The following PTPRG variants were observed in gnomAD, a reference collection of about 807,000 sequenced individuals.
PTPRG encodes receptor-type tyrosine-protein phosphatase gamma.
PTPRG carries 102 observed loss-of-function variants against 165.3 expected under a neutral mutation model. The ratio of observed to expected loss-of-function variants is 0.62; its 90% CI spans 0.53 to 0.73. PTPRG has a LOEUF of 0.73. Ranked by LOEUF, PTPRG falls within the 30% of genes least tolerant of loss-of-function variation. PTPRG has a pLI of 0.00. For missense variants in PTPRG, 1,866 were observed against 1,861.4 expected (o/e 1.00, Z -0.05); for synonymous variants, 675 against 669.5 (o/e 1.01, Z -0.13).
At chr3:61,956,285 C>CTG (rs1051905160) in intron 2 of PTPRG, among the ~76,000 whole-genome samples, 1 of 105,446 alleles carries the variant, frequency 9.5e-6, no homozygotes, top group African/African-American at 3.6e-5. Context: ...GTCTCTCTCT[C>CTG]TCTCTCTCTC....
chr3:61,896,820 G>T (rs1022546698), intron 2 of PTPRG, among the ~76,000 whole-genome samples: 1 of 152,096 alleles, frequency 6.6e-6, no homozygotes, highest in African/African-American at 2.4e-5. Flanking sequence ...AATGGGTAAT[G>T]ATGTTGAACA....
chr3:61,712,258 A>T (rs1048944368), intron 1 of PTPRG, among the ~76,000 whole-genome samples: 1 of 152,152 alleles, frequency 6.6e-6, no homozygotes, highest in African/African-American at 2.4e-5. Context: ...AATTTGAATT[A>T]TGTAAAATTT....
At chr3:62,140,012 A>C (rs1184745438) in intron 6 of PTPRG, among the ~76,000 whole-genome samples, 2 of 152,234 alleles carry the variant, frequency 1.3e-5, no homozygotes, top group African/African-American at 2.4e-5. Context: ...AAGTTTCTAC[A>C]ATAAAGAGTA....
At chr3:62,235,994 C>T (rs2106933559) in intron 14 of PTPRG, among the ~76,000 whole-genome samples, 1 of 152,278 alleles carries the variant, frequency 6.6e-6, no homozygotes, top group South Asian at 2.1e-4. Context: ...TCTCACGCCC[C>T]CTTTTATGAT....
At chr3:62,184,762 G>C (rs1439746592) in intron 8 of PTPRG, among the ~76,000 whole-genome samples, 1 of 152,216 alleles carries the variant, frequency 6.6e-6, no homozygotes, top group Admixed American at 6.5e-5. Flanking sequence ...GGAAGCAGCA[G>C]TTTCATCTGT....
At position 62,157,169 on chromosome 3, in the gene PTPRG, G is replaced by T. The variant is rs1704569273; in HGVS notation, c.785G>T (p.Ser262Ile). 1 of 1,613,912 alleles carries T rather than the reference G, an allele frequency of 6.2e-7. No individual in the cohort carries two copies. The highest frequency in any genetic ancestry group is 2.2e-5 in the East Asian group (1 of 44,892). ...YTGSLTTPPC[S>I]EIVEWIVFRR... is the part of the protein sequence containing the mutation. ...GGTTCCTTGACCACACCACCGTGTA[G>T]CGAAATAGTGGAGTGGATAGTCTTC... The change falls in exon 7 of 30, where the codon AGC (serine) becomes ATC (isoleucine). Residue 262 changes from serine (S) to isoleucine (I), a missense_variant. By Grantham distance (142) the Ser-to-Ile change is moderately radical (BLOSUM62 -2). Coordinates refer to ENST00000474889, the MANE Select transcript of PTPRG (RefSeq NM_002841.4).
At chr3:61,634,686 A>G (rs1701859202) in intron 1 of PTPRG, among the ~76,000 whole-genome samples, 1 of 152,208 alleles carries the variant, frequency 6.6e-6, no homozygotes, top group Non-Finnish European at 1.5e-5. Context: ...CAGAGGTTTG[A>G]AAGTTTCCCC....
intron 2 of PTPRG, among the ~76,000 whole-genome samples, chr3:61,885,002 C>T (rs909852408): frequency 1.3e-5 from 2 of 152,158 alleles, no homozygotes; most frequent in African/African-American, 2.4e-5. Flanking sequence ...CAGATCTGTC[C>T]TGCGTGTGCA....
intron 2 of PTPRG, among the ~76,000 whole-genome samples, chr3:61,967,482 C>T (rs183163007): frequency 3.9e-5 from 6 of 152,250 alleles, no homozygotes; most frequent in East Asian, 1.9e-4. Flanking sequence ...AATGGTCTCA[C>T]GCCTCATTTC....
At chr3:62,162,561 G>A (rs2106716197) in intron 7 of PTPRG, among the ~76,000 whole-genome samples, 1 of 152,316 alleles carries the variant, frequency 6.6e-6, no homozygotes, top group East Asian at 1.9e-4. Context: ...TTCTCCTTGG[G>A]CCTGCTGTCT....
At chr3:62,050,439 G>T (rs1001212393) in intron 4 of PTPRG, among the ~76,000 whole-genome samples, 31 of 152,318 alleles carry the variant, frequency 2.0e-4, no homozygotes, top group African/African-American at 7.2e-4. Flanking sequence ...GTTTATGTAA[G>T]TACACTCTGA....
At chr3:62,152,460 T>G (rs1034697343) in intron 6 of PTPRG, among the ~76,000 whole-genome samples, 4 of 152,176 alleles carry the variant, frequency 2.6e-5, no homozygotes, top group Non-Finnish European at 4.4e-5. Context: ...GAACCACCAG[T>G]CTTGAGTCTG....
At chr3:61,871,844 C>T (rs1279731849) in intron 2 of PTPRG, among the ~76,000 whole-genome samples, 1 of 152,094 alleles carries the variant, frequency 6.6e-6, no homozygotes, top group African/African-American at 2.4e-5. Flanking sequence ...TCAGTTGCTC[C>T]CTCTCTCTTT....
chr3:61,688,586 G>A lies in PTPRG; in HGVS notation c.86-60292G>A, dbSNP rs574003302. On this transcript the variant is annotated intron_variant, in intron 1 of 29. Coordinates refer to ENST00000474889, the MANE Select transcript of PTPRG (RefSeq NM_002841.4). ...TCTGGTGGATTGGAGCAGGCAAATCGGGCTCCTCACTGAGCAGGATGCAGG... is the reference window on the plus strand; with the variant it reads ...TCTGGTGGATTGGAGCAGGCAAATCAGGCTCCTCACTGAGCAGGATGCAGG... 2.6e-5 allele frequency among the ~76,000 whole-genome samples: 4 copies of A among 152,288 alleles called. No homozygotes were observed. The South Asian group carries it at 6.2e-4, about 24-fold the overall frequency.
At chr3:61,998,818 C>A (rs1042205242) in intron 3 of PTPRG, among the ~76,000 whole-genome samples, 5 of 152,220 alleles carry the variant, frequency 3.3e-5, no homozygotes, top group Non-Finnish European at 7.3e-5. Flanking sequence ...ACCACATAGA[C>A]CTTTCCTGTC....
Position 61,762,325 on chromosome 3 carries a change from G to A in PTPRG, c.190+13343G>A, listed in dbSNP as rs598688. Among the ~76,000 whole-genome samples, 50 of 152,114 alleles carry A rather than the reference G, an allele frequency of 3.3e-4. No individual in the cohort carries two copies. The East Asian group carries it at 5.4e-3, about 17-fold the overall frequency. ...GCATACCTGCTGTGCCAGAAAGAAC[G>A]AGTTAAGATTTGCTTCTGGCTGGGC... On this transcript the variant is annotated intron_variant, in intron 2 of 29. Coordinates refer to ENST00000474889, the MANE Select transcript of PTPRG (RefSeq NM_002841.4).
intron 8 of PTPRG, among the ~76,000 whole-genome samples, chr3:62,181,611 C>T (rs1705653540): frequency 1.3e-5 from 2 of 152,128 alleles, no homozygotes; most frequent in African/African-American, 4.8e-5. Context: ...ATTATATATG[C>T]CTTAGTGCTA....
chr3:62,239,357 T>TTTC (rs1701105517), intron 14 of PTPRG, among the ~76,000 whole-genome samples: 1 of 149,118 alleles, frequency 6.7e-6, no homozygotes, highest in Non-Finnish European at 1.5e-5. Flanking sequence ...TTCTTTTTTC[T>TTTC]TTCTTTTTTT....
At chr3:61,579,995 C>T (rs1198484724) in intron 1 of PTPRG, among the ~76,000 whole-genome samples, 2 of 151,928 alleles carry the variant, frequency 1.3e-5, no homozygotes, top group Non-Finnish European at 2.9e-5. Flanking sequence ...ACACATCAAC[C>T]ATGTAGCTGA....
Sources: allele counts gnomAD v4.1 joint callset (sites outside exome capture counted in the v4.1 genomes callset), GRCh38; gene constraint gnomAD v4.1.1; transcripts MANE v1.5; gene names NCBI Gene and HGNC (gene_info 2026-07-23, HGNC 2026-07-21).